WNT8A: variants seen among roughly 807,000 people sequenced by gnomAD.
WNT8A encodes the protein protein Wnt-8a.
Under a neutral mutation model 20.5 loss-of-function variants are expected in WNT8A, and 14 were observed. The observed-to-expected ratio is 0.68, with a 90% CI of 0.45 to 1.07. The LOEUF is 1.07. Among genes scored for constraint, WNT8A ranks in the 50% least tolerant of loss-of-function variants. The pLI is 0.00. For synonymous variants in WNT8A, 167 were observed against 169.2 expected (o/e 0.99, Z 0.10); for missense variants, 397 against 462.9 (o/e 0.86, Z 1.31).
intron 4 of WNT8A, 90 bp downstream of exon 4, chr5:138,089,159 C>G (rs1750768952): frequency 6.6e-7 from 1 of 1,505,618 alleles, no homozygotes; most frequent in African/African-American, 1.4e-5. Context: ...TACGTTCTTT[C>G]CTCATACTAC....
intron 4 of WNT8A, among the ~76,000 whole-genome samples, chr5:138,089,726 A>T (rs1215238573): frequency 2.0e-5 from 3 of 152,134 alleles, no homozygotes; most frequent in Non-Finnish European, 4.4e-5. Flanking sequence ...CAGTGGTGCC[A>T]TCTCGGCTCA....
Position 138,084,072 on chromosome 5 carries a change from A to G in WNT8A, c.-56A>G, listed in dbSNP as rs755602420. 98 of 1,608,400 alleles carry G rather than the reference A, an allele frequency of 6.1e-5. No individual in the cohort carries two copies. Among genetic ancestry groups the G allele is most frequent in the Non-Finnish European group, 8.1e-5 (95 of 1,176,000 alleles). On this transcript the variant is annotated 5_prime_UTR_variant, in exon 1 of 5. Coordinates refer to ENST00000506684, the MANE Select transcript of WNT8A (RefSeq NM_001300939.2). ...CTTGGCCCTGAGCTGGACCTGGTCC[A>G]CTGGGGTAGGCAGGGCGATGGGGAA...
upstream of WNT8A, among the ~76,000 whole-genome samples, chr5:138,079,586 C>CA: frequency 6.6e-6 from 1 of 152,068 alleles, no homozygotes; most frequent in South Asian, 2.1e-4. Context: ...CAAATATTAC[C>CA]AATCAGGCTC....
intron 2 of WNT8A, among the ~76,000 whole-genome samples, chr5:138,086,260 C>T (rs1247105627): frequency 6.6e-6 from 1 of 151,994 alleles, no homozygotes; most frequent in Non-Finnish European, 1.5e-5. Flanking sequence ...CTTTTTTACC[C>T]AAGCTAGTTT....
At chr5:138,086,218 C>G (rs1170185595) in intron 2 of WNT8A, among the ~76,000 whole-genome samples, 1 of 151,996 alleles carries the variant, frequency 6.6e-6, no homozygotes, top group South Asian at 2.1e-4. Context: ...TTATTTCTTT[C>G]TTTCTTTATT....
chr5:138,079,349 A>G (rs955960465), upstream of WNT8A, among the ~76,000 whole-genome samples: 3 of 147,792 alleles, frequency 2.0e-5, no homozygotes, highest in Non-Finnish European at 4.5e-5. Context: ...TTATATAATA[A>G]TTATATATTA....
downstream of WNT8A, among the ~76,000 whole-genome samples, chr5:138,091,840 T>TAAAA (rs1750867197): frequency 2.1e-5 from 1 of 47,178 alleles, no homozygotes. Context: ...AATAAATAAA[T>TAAAA]AAATAAATAA....
upstream of WNT8A, among the ~76,000 whole-genome samples, chr5:138,083,185 G>A (rs1032437130): frequency 1.3e-5 from 2 of 151,732 alleles, no homozygotes; most frequent in Middle Eastern, 3.2e-3. Context: ...GGAGGCTGAG[G>A]TAGGAGAATC....
At chr5:138,081,399 C>T (rs1397161114), upstream of WNT8A, among the ~76,000 whole-genome samples, 1 of 151,824 alleles carries the variant, frequency 6.6e-6, no homozygotes, top group Non-Finnish European at 1.5e-5. Flanking sequence ...AGCATAAGAC[C>T]CAGTCACTCA....
intron 3 of WNT8A, among the ~76,000 whole-genome samples, chr5:138,088,297 C>A (rs1056866681): frequency 8.6e-5 from 13 of 151,948 alleles, no homozygotes; most frequent in Non-Finnish European, 1.6e-4. Context: ...GAGGTAGTAG[C>A]CTTTACGAGA....
intron 3 of WNT8A, among the ~76,000 whole-genome samples, chr5:138,088,359 C>CTTTT (rs36126596): frequency 7.1e-6 from 1 of 140,666 alleles, no homozygotes; most frequent in Non-Finnish European, 1.5e-5. Context: ...TGCAGTGAAC[C>CTTTT]TTTTTTTTTT....
At chr5:138,084,697 A>G (rs1223315611) in intron 2 of WNT8A, 61 bp downstream of exon 2, 1 of 1,525,604 alleles carries the variant, frequency 6.6e-7, no homozygotes, top group Non-Finnish European at 8.8e-7. Context: ...TGGGGCTTGC[A>G]GTATGTGTAT....
chr5:138,088,073 C>T, intron 3 of WNT8A, 142 bp downstream of exon 3: 1 of 1,281,338 alleles, frequency 7.8e-7, no homozygotes, highest in Non-Finnish European at 1.1e-6. Context: ...TGTAGGATCT[C>T]CTAGCCTTAC....
In WNT8A at chr5:138,086,988, G is replaced by A. The variant is rs774045092; in HGVS notation, c.296-818G>A. On this transcript the variant is annotated intron_variant, in intron 2 of 4. Coordinates refer to ENST00000506684, the MANE Select transcript of WNT8A (RefSeq NM_001300939.2). ...TTGAACCTGGAAGGCGGAGGTTACA[G>A]TGAGCCAAGATCGCGCTACTGCACT... is the stretch of plus-strand genomic sequence containing the variant. Among the ~76,000 whole-genome samples, 119 of 151,798 alleles carry A rather than the reference G, an allele frequency of 7.8e-4. 3 individuals are homozygous for A. The highest frequency in any genetic ancestry group is 1.5e-4 in the Non-Finnish European group (10 of 68,010).
chr5:138,084,407 T>A, intron 1 of WNT8A, 91 bp from the exon 2 acceptor site: 1 of 1,549,158 alleles, frequency 6.5e-7, no homozygotes, highest in Non-Finnish European at 8.7e-7. Context: ...TGATTCTTAA[T>A]GGAGAGCTGG....
At chr5:138,083,773 C>A, upstream of WNT8A, 1 of 257,412 alleles carries the variant, frequency 3.9e-6, no homozygotes, top group Non-Finnish European at 7.4e-6. Context: ...CAGGAAGAGA[C>A]AAAATTGACA....
chr5:138,084,174 C>T lies in WNT8A; in HGVS notation c.47C>T (p.Thr16Ile). ...CTCTGCCTGGTAAGTCCTTTCCCAACCCTCACTCCTTGCCAAGGAGGCCCC... is the reference window on the plus strand; with the variant it reads ...CTCTGCCTGGTAAGTCCTTTCCCAATCCTCACTCCTTGCCAAGGAGGCCCC... ...QCLCLVSPFPTLTPCQGGPHC... is the reference protein window; with the variant it reads ...QCLCLVSPFPILTPCQGGPHC... Residue 16 changes from threonine to isoleucine, a missense_variant, in exon 1 of 5, where the codon ACC becomes ATC. Coordinates refer to ENST00000506684, the MANE Select transcript of WNT8A (RefSeq NM_001300939.2). 6.2e-7 allele frequency: 1 copy of T among 1,614,204 alleles called. No individual in the cohort carries two copies. The highest frequency in any genetic ancestry group is 8.5e-7 in the Non-Finnish European group (1 of 1,180,040).
Position 138,091,032 on chromosome 5 carries a change from T to G in WNT8A, c.1069T>G (p.Ser357Ala), listed in dbSNP as rs1750836143. The change falls in exon 5 of 5, where the codon TCC becomes GCC. Residue 357 changes from serine (S) to alanine (A), a missense_variant. Transcript: ENST00000506684. ...HVVSKYYCARSPGSAQSLGKG... is the reference protein window; with the variant it reads ...HVVSKYYCARAPGSAQSLGKG... ...GGTGAGCAAGTATTACTGCGCACGC[T>G]CCCCAGGCAGTGCCCAGTCCCTGGG... 1.2e-6 allele frequency: 2 copies of G among 1,613,552 alleles called. No individual in the cohort carries two copies. Among genetic ancestry groups the G allele is most frequent in the Non-Finnish European group, 1.7e-6 (2 of 1,179,738 alleles).
intron 4 of WNT8A, among the ~76,000 whole-genome samples, chr5:138,089,825 C>A (rs1750788585): frequency 6.6e-6 from 1 of 152,154 alleles, no homozygotes; most frequent in African/African-American, 2.4e-5. Flanking sequence ...CTATGCCCAG[C>A]TAGTTTTTGT....
Sources: gnomAD v4.1 joint callset for allele counts (sites outside exome capture counted in the v4.1 genomes callset) on GRCh38, gnomAD v4.1.1 for gene constraint, MANE v1.5 for transcripts, NCBI Gene and HGNC (gene_info 2026-07-23, HGNC 2026-07-21) for gene names.